The following GDPD4 variants were observed in gnomAD, a reference collection of about 807,000 sequenced individuals.
GDPD4 encodes glycerophosphodiester phosphodiesterase 6.
GDPD4 carries 60 observed loss-of-function variants against 67.8 expected under a neutral mutation model. The observed-to-expected ratio is 0.88, with a 90% CI of 0.72 to 1.10. GDPD4 has a LOEUF of 1.10. Ranked by LOEUF, GDPD4 falls within the 50% of genes least tolerant of loss-of-function variation. GDPD4 has a pLI of 0.00. For missense variants in GDPD4, 623 were observed against 613.9 expected (o/e 1.01, Z -0.16); for synonymous variants, 212 against 210.9 (o/e 1.00, Z -0.04).
chr11:77,298,752 G>A (rs182102442), intron 1 of GDPD4, among the ~76,000 whole-genome samples: 5 of 152,154 alleles, frequency 3.3e-5, no homozygotes, highest in South Asian at 4.1e-4. Flanking sequence ...CTTTACAGAT[G>A]CCACGCCCCC....
rs1175608966 is a variant in GDPD4, at chr11:77,221,200, AT to A, written c.1526-3887del. On this transcript the variant is annotated intron_variant, in intron 16 of 16. Coordinates refer to ENST00000315938, the MANE Select transcript of GDPD4 (RefSeq NM_182833.3). ...TTTCAAAAAACCAGCTCCTGGATTGATTTTTTTGAAGGGTTTTTTTGTGTCT... is the reference window on the plus strand; with the variant it reads ...TTTCAAAAAACCAGCTCCTGGATTGATTTTTTGAAGGGTTTTTTTGTGTCT... Among the ~76,000 whole-genome samples the A allele has an allele frequency of 1.4e-3, 208 of 152,014 alleles. 2 individuals are homozygous for A. The highest frequency in any genetic ancestry group is 4.9e-3 in the African/African-American group (202 of 41,476).
At chr11:77,222,080 A>G (rs1025134061) in intron 16 of GDPD4, among the ~76,000 whole-genome samples, 1 of 152,112 alleles carries the variant, frequency 6.6e-6, no homozygotes, top group Non-Finnish European at 1.5e-5. Context: ...TGCTTGGTAG[A>G]TCTTCCTCCC....
chr11:77,240,233 C>A (rs182350264), intron 13 of GDPD4, among the ~76,000 whole-genome samples: 13 of 152,052 alleles, frequency 8.5e-5, no homozygotes, highest in Non-Finnish European at 1.5e-4. Context: ...TCCCTAATTT[C>A]AAAATACATT....
rs549547567 is a variant in GDPD4, at chr11:77,281,369, C to A, written c.54-1970G>T. ...AAAAAGATACCATCGATGGTGGAGG[C>A]CCTAGGAACCCTCGCACAGTTTGAA... is the stretch of plus-strand genomic sequence containing the variant. On this transcript the variant is annotated intron_variant, in intron 3 of 16. Coordinates refer to ENST00000315938, the MANE Select transcript of GDPD4 (RefSeq NM_182833.3). Among the ~76,000 whole-genome samples, 19 of 152,104 alleles carry A rather than the reference C, an allele frequency of 1.2e-4. No individual in the cohort carries two copies. In the South Asian group the frequency reaches 3.9e-3, roughly 32 times the overall value.
intron 13 of GDPD4, among the ~76,000 whole-genome samples, chr11:77,236,534 A>T (rs1291946611): frequency 6.6e-6 from 1 of 152,218 alleles, no homozygotes; most frequent in African/African-American, 2.4e-5. Flanking sequence ...GCCAAAAGAT[A>T]GAAAAAGACT....
chr11:77,294,181 T>C (rs1937873849), intron 1 of GDPD4, among the ~76,000 whole-genome samples: 1 of 152,258 alleles, frequency 6.6e-6, no homozygotes, highest in East Asian at 1.9e-4. Flanking sequence ...ATATCTGAAG[T>C]TTAGTTACCA....
intron 5 of GDPD4, among the ~76,000 whole-genome samples, chr11:77,274,222 G>T (rs189098380): frequency 6.6e-6 from 1 of 152,230 alleles, no homozygotes; most frequent in Non-Finnish European, 1.5e-5. Flanking sequence ...AAATCTCATG[G>T]CTTCAAGCTC....
At position 77,232,379 on chromosome 11, in the gene GDPD4, G is replaced by C. The variant is rs1382550863; in HGVS notation, c.1389+646C>G. ...ACTCAGTCAACCTACTCTCTGTACA[G>C]ATAAGAACAAGTTCTGTAGCAGTAA... On this transcript the variant is annotated intron_variant, in intron 14 of 16. Coordinates refer to ENST00000315938, the MANE Select transcript of GDPD4 (RefSeq NM_182833.3). Among the ~76,000 whole-genome samples the C allele has an allele frequency of 3.9e-5, 6 of 152,316 alleles. No individual in the cohort carries two copies. The East Asian group carries it at 1.2e-3, about 29-fold the overall frequency.
chr11:77,281,259 C>A (rs994788662), intron 3 of GDPD4, among the ~76,000 whole-genome samples: 1 of 152,154 alleles, frequency 6.6e-6, no homozygotes, highest in Non-Finnish European at 1.5e-5. Flanking sequence ...TAAGATGCAG[C>A]TTTCTTGCAC....
At chr11:77,230,070 G>A (rs1958425219) in intron 14 of GDPD4, among the ~76,000 whole-genome samples, 1 of 152,172 alleles carries the variant, frequency 6.6e-6, no homozygotes, top group South Asian at 2.1e-4. Context: ...ACAGGAGCCA[G>A]GCAGGTATTC....
chr11:77,294,953 A>G (rs1937899161), intron 1 of GDPD4, among the ~76,000 whole-genome samples: 1 of 143,130 alleles, frequency 7.0e-6, no homozygotes, highest in South Asian at 2.2e-4. Context: ...CTCAATCTAC[A>G]ACTTTGCTTT....
At position 77,268,921 on chromosome 11, in the gene GDPD4, T is replaced by C. The variant is rs1959191879; in HGVS notation, c.624+3A>G. The C allele has an allele frequency of 6.2e-7, 1 of 1,613,644 alleles. No homozygotes were observed. Among genetic ancestry groups the C allele is most frequent in the Admixed American group, 1.7e-5 (1 of 59,974 alleles). ...CACCCATGTTCATCATGCTCAGACC[T>C]ACCATGGGTGCACCTCTATGTCCAA... On this transcript the variant is annotated splice_donor_region_variant and intron_variant, in intron 9 of 16. Coordinates refer to ENST00000315938, the MANE Select transcript of GDPD4 (RefSeq NM_182833.3).
intron 11 of GDPD4, among the ~76,000 whole-genome samples, chr11:77,246,892 C>A (rs2135846738): frequency 6.6e-6 from 1 of 152,166 alleles, no homozygotes; most frequent in East Asian, 1.9e-4. Flanking sequence ...TAATCACTTG[C>A]CATTTTTTAG....
intron 14 of GDPD4, among the ~76,000 whole-genome samples, chr11:77,230,683 T>C (rs1306920154): frequency 6.6e-6 from 1 of 152,156 alleles, no homozygotes. Context: ...TATTTTAAAA[T>C]AAAATTTGTG....
rs113553412 is a variant in GDPD4 at position 77,257,880 on chromosome 11, A to G, written c.864+506T>C. Among the ~76,000 whole-genome samples, 508 of 152,276 alleles carry G rather than the reference A, an allele frequency of 3.3e-3. 1 individual carries two copies. Among genetic ancestry groups the G allele is most frequent in the African/African-American group, 0.011 (472 of 41,556 alleles). On this transcript the variant is annotated intron_variant, in intron 11 of 16. Coordinates refer to ENST00000315938, the MANE Select transcript of GDPD4 (RefSeq NM_182833.3). ...TCTTGTGTGCTCCTGAAGCAACCTG[A>G]AATTAACTCGTTTTGCTCTTATCAC... is the stretch of plus-strand genomic sequence containing the variant.
intron 5 of GDPD4, among the ~76,000 whole-genome samples, chr11:77,275,579 A>G (rs559763517): frequency 6.6e-6 from 1 of 152,212 alleles, no homozygotes; most frequent in South Asian, 2.1e-4. Context: ...ATTTACCTAG[A>G]AATGAACCCC....
intron 15 of GDPD4, among the ~76,000 whole-genome samples, 184 bp from the exon 16 acceptor site, chr11:77,228,100 G>A (rs1958378229): frequency 6.6e-6 from 1 of 152,228 alleles, no homozygotes; most frequent in Non-Finnish European, 1.5e-5. Context: ...GCGAGGCACG[G>A]TGGCTCACAC....
intron 3 of GDPD4, among the ~76,000 whole-genome samples, chr11:77,280,787 T>C (rs1307826101): frequency 6.6e-6 from 1 of 152,200 alleles, no homozygotes; most frequent in Non-Finnish European, 1.5e-5. Flanking sequence ...CCTCTACTTC[T>C]TCCCATCCGG....
At chr11:77,224,299 G>C (rs545915646) in intron 16 of GDPD4, 1 of 152,396 alleles carries the variant, frequency 6.6e-6, no homozygotes, top group African/African-American at 2.4e-5. Flanking sequence ...GCTGCAGACC[G>C]GAGCTGTTTC....
Sources: allele counts gnomAD v4.1 joint callset (sites outside exome capture counted in the v4.1 genomes callset), GRCh38; gene constraint gnomAD v4.1.1; transcripts MANE v1.5; gene names NCBI Gene and HGNC (gene_info 2026-07-23, HGNC 2026-07-21).